The following MLLT3 variants were observed in gnomAD, a reference collection of about 807,000 sequenced individuals.
MLLT3 encodes protein AF-9.
Under a neutral mutation model 53.2 loss-of-function variants are expected in MLLT3, and 4 were observed. The observed-to-expected ratio is 0.08, with a 90% CI of 0.04 to 0.17. The LOEUF (loss-of-function observed/expected upper bound fraction) is 0.17. Among genes scored for constraint, MLLT3 ranks in the 10% least tolerant of loss-of-function variants. MLLT3 has a pLI of 1.00. For synonymous variants in MLLT3, 283 were observed against 230.6 expected (o/e 1.23, Z -2.06); for missense variants, 569 against 684.0 (o/e 0.83, Z 1.87).
At chr9:20,521,452 G>A (rs1370452569) in intron 2 of MLLT3, among the ~76,000 whole-genome samples, 1 of 116,310 alleles carries the variant, frequency 8.6e-6, no homozygotes, top group Non-Finnish European at 1.8e-5. Flanking sequence ...CTCGCTGTGT[G>A]TGTATATGTG....
rs747492912 is a variant in MLLT3 at position 20,414,293 on chromosome 9, T to C, written c.553A>G (p.Ser185Gly). The C allele has an allele frequency of 9.9e-6, 16 of 1,611,224 alleles. No homozygotes were observed. The highest frequency in any genetic ancestry group is 1.3e-5 in the Non-Finnish European group (15 of 1,178,936). Reference protein sequence around the residue: ...SSSSSSSSSSSSSSSSTSFSK... With the variant: ...SSSSSSSSSSGSSSSSTSFSK... ...AAACTGGTACTACTGCTGCTGCTGC[T>C]GCTGCTACTGCTGCTGCTACTGCTG... is the stretch of plus-strand genomic sequence containing the variant. Residue 185 changes from serine to glycine, a missense_variant, in exon 5 of 11, where the codon AGC becomes GGC. By Grantham distance (56) the Ser-to-Gly change is moderately conservative. This residue lies in a region of MLLT3 where 437 missense variants were observed against 376.5 expected (regional missense o/e 1.16). Transcript: ENST00000380338.
chr9:20,503,379 G>T (rs999978849), intron 2 of MLLT3, among the ~76,000 whole-genome samples: 1 of 151,810 alleles, frequency 6.6e-6, no homozygotes, highest in South Asian at 2.1e-4. Context: ...AGAGGGCCCA[G>T]AAATAAATCT....
Position 20,346,382 on chromosome 9 carries a change from AAAAAAAAAAAACC to A in MLLT3, c.*48_*60del, listed in dbSNP as rs1820868862. ...AACAAGAACAAAAAATCACAACCAA[AAAAAAAAAAAACC>A]AAAAAAAAAAAACACAATAGTTCTT... On this transcript the variant is annotated 3_prime_UTR_variant, in exon 11 of 11. Transcript: ENST00000380338. 4 of 1,417,970 alleles carry A rather than the reference AAAAAAAAAAAACC, an allele frequency of 2.8e-6. No homozygotes were observed. Among genetic ancestry groups the A allele is most frequent in the East Asian group, 2.5e-5 (1 of 40,420 alleles). 87.8% of individuals were successfully genotyped at this position (1,417,970 alleles called of 1,614,324 possible).
intron 10 of MLLT3, among the ~76,000 whole-genome samples, chr9:20,351,420 GCAAT>G (rs1821027507): frequency 6.6e-6 from 1 of 152,144 alleles, no homozygotes; most frequent in African/African-American, 2.4e-5. Flanking sequence ...GGTTTAAAGA[GCAAT>G]CAAATTATTC....
At chr9:20,619,536 GGAGTTCTA>G (rs1181933383) in intron 2 of MLLT3, among the ~76,000 whole-genome samples, 1 of 152,158 alleles carries the variant, frequency 6.6e-6, no homozygotes, top group Non-Finnish European at 1.5e-5. Context: ...AGAAACGACA[GGAGTTCTA>G]GATGCCAATA....
chr9:20,442,034 A>C (rs1405917217), intron 4 of MLLT3, among the ~76,000 whole-genome samples: 1 of 152,178 alleles, frequency 6.6e-6, no homozygotes, highest in African/African-American at 2.4e-5. Context: ...AGTACCCATA[A>C]ATTTAAGTTG....
At chr9:20,358,727 G>A (rs1324630372) in intron 8 of MLLT3, among the ~76,000 whole-genome samples, 2 of 151,982 alleles carry the variant, frequency 1.3e-5, no homozygotes, top group Non-Finnish European at 2.9e-5. Flanking sequence ...TGAAGGAGAT[G>A]AGTGAGGGGC....
At chr9:20,357,468 TG>T (rs1159505878) in intron 8 of MLLT3, among the ~76,000 whole-genome samples, 4 of 152,208 alleles carry the variant, frequency 2.6e-5, no homozygotes, top group Non-Finnish European at 4.4e-5. Flanking sequence ...ATAGAAGAAT[TG>T]TGGTTTAGTA....
At chr9:20,415,124 A>G (rs1822839658) in intron 4 of MLLT3, among the ~76,000 whole-genome samples, 1 of 152,206 alleles carries the variant, frequency 6.6e-6, no homozygotes, top group Non-Finnish European at 1.5e-5. Flanking sequence ...CCCCCCCAAA[A>G]GAAATAAAGT....
At chr9:20,363,656 T>A (rs564759040) in intron 6 of MLLT3, 51 bp from the exon 7 acceptor site, 2 of 1,578,596 alleles carry the variant, frequency 1.3e-6, no homozygotes, top group Admixed American at 3.5e-5. Context: ...TCAAACACAC[T>A]TAGCCATATT....
At chr9:20,524,029 G>A (rs1423314776) in intron 2 of MLLT3, among the ~76,000 whole-genome samples, 2 of 151,962 alleles carry the variant, frequency 1.3e-5, no homozygotes, top group Non-Finnish European at 2.9e-5. Context: ...GGGGTCAGGG[G>A]AAGTGGCAGG....
At chr9:20,550,071 G>T (rs1818889661) in intron 2 of MLLT3, among the ~76,000 whole-genome samples, 1 of 152,040 alleles carries the variant, frequency 6.6e-6, no homozygotes, top group Non-Finnish European at 1.5e-5. Flanking sequence ...TTCAATAATG[G>T]GGGCATGGAC....
chr9:20,426,940 C>A (rs1823152633), intron 4 of MLLT3, among the ~76,000 whole-genome samples: 1 of 152,088 alleles, frequency 6.6e-6, no homozygotes, highest in South Asian at 2.1e-4. Context: ...AAGACCAAAC[C>A]TGGGCCCTAT....
chr9:20,557,866 T>G (rs1819102948), intron 2 of MLLT3, among the ~76,000 whole-genome samples: 1 of 152,194 alleles, frequency 6.6e-6, no homozygotes, highest in Non-Finnish European at 1.5e-5. Flanking sequence ...GGTCACACTT[T>G]CTATTCCCAG....
At chr9:20,444,335 A>G (rs1298093735) in intron 4 of MLLT3, among the ~76,000 whole-genome samples, 1 of 152,190 alleles carries the variant, frequency 6.6e-6, no homozygotes, top group East Asian at 1.9e-4. Context: ...TTCTCCACAG[A>G]GTACACTTGG....
In MLLT3 at chr9:20,423,910, T is replaced by C. The variant is rs556621967; in HGVS notation, c.421-9485A>G. On this transcript the variant is annotated intron_variant, in intron 4 of 10. Coordinates refer to ENST00000380338, the MANE Select transcript of MLLT3 (RefSeq NM_004529.4). ...CCTAGGAAGTCACTGCACTCCAGCC[T>C]GAGCAACAGAGCAAGACCATCTCCA... Among the ~76,000 whole-genome samples the C allele has an allele frequency of 2.0e-3, 298 of 152,168 alleles. 2 individuals carry two copies. The highest frequency in any genetic ancestry group is 7.0e-3 in the African/African-American group (289 of 41,526).
chr9:20,401,634 G>A (rs1822459599), intron 5 of MLLT3, among the ~76,000 whole-genome samples: 1 of 152,148 alleles, frequency 6.6e-6, no homozygotes, highest in African/African-American at 2.4e-5. Flanking sequence ...AGAAGCAGAA[G>A]AGGGAAAGAC....
At chr9:20,545,856 C>CAAAAAAAAAAAA in intron 2 of MLLT3, among the ~76,000 whole-genome samples, 1 of 99,854 alleles carries the variant, frequency 1.0e-5, no homozygotes, top group South Asian at 3.6e-4. Flanking sequence ...CAGTCTCTAC[C>CAAAAAAAAAAAA]AAAAAAAAAA....
intron 2 of MLLT3, among the ~76,000 whole-genome samples, chr9:20,549,395 A>T (rs1818871110): frequency 6.6e-6 from 1 of 152,192 alleles, no homozygotes; most frequent in Non-Finnish European, 1.5e-5. Context: ...AACAACAACG[A>T]CTAACTCAAA....
Sources: allele counts gnomAD v4.1 joint callset (sites outside exome capture counted in the v4.1 genomes callset), GRCh38; gene constraint gnomAD v4.1.1; regional missense constraint gnomAD v4.1.1; transcripts MANE v1.5; gene names NCBI Gene and HGNC (gene_info 2026-07-23, HGNC 2026-07-21).